The following RNGTT variants were observed in gnomAD, a reference collection of about 807,000 sequenced individuals.
RNGTT encodes the protein mRNA-capping enzyme.
RNGTT carries 33 observed loss-of-function variants against 79.3 expected under a neutral mutation model. The observed-to-expected ratio is 0.42, with a 90% CI of 0.32 to 0.56. RNGTT has a LOEUF of 0.56. RNGTT is among the 20% of genes least tolerant of loss of function. The probability of loss-of-function intolerance (pLI) is 0.17; values close to 1 mark genes in which losing one functional copy is unlikely to be tolerated. For missense variants in RNGTT, 497 were observed against 739.1 expected, an observed-to-expected ratio of 0.67 and a Z score of 3.80; for synonymous variants, 222 against 235.9, an observed-to-expected ratio of 0.94 and a Z score of 0.54.
chr6:88,779,151 A>C (rs1778982209), intron 12 of RNGTT, among the ~76,000 whole-genome samples: 1 of 152,204 alleles, frequency 6.6e-6, no homozygotes, highest in Non-Finnish European at 1.5e-5. Context: ...GGGTCAAAAA[A>C]AGTAAGGGGA....
intron 4 of RNGTT, among the ~76,000 whole-genome samples, chr6:88,927,312 A>T (rs1784352924): frequency 3.3e-5 from 5 of 151,926 alleles, no homozygotes; most frequent in Admixed American, 3.3e-4. Context: ...AGATCACCCG[A>T]GGCCAGGAGT....
chr6:88,881,911 C>T (rs1782704865), intron 8 of RNGTT, among the ~76,000 whole-genome samples: 1 of 152,216 alleles, frequency 6.6e-6, no homozygotes, highest in South Asian at 2.1e-4. Context: ...ACACTTTTCA[C>T]TCCTTAGCTT....
intron 13 of RNGTT, among the ~76,000 whole-genome samples, chr6:88,766,214 C>G (rs1778455262): frequency 6.6e-6 from 1 of 152,092 alleles, no homozygotes; most frequent in Non-Finnish European, 1.5e-5. Flanking sequence ...ATCACACAGA[C>G]AGTAAGGAGA....
chr6:88,932,537 T>C (rs1784543703), intron 2 of RNGTT, among the ~76,000 whole-genome samples: 1 of 152,178 alleles, frequency 6.6e-6, no homozygotes, highest in Admixed American at 6.5e-5. Flanking sequence ...CGGAACCTGC[T>C]GACATGTGTC....
At chr6:88,883,625 T>C (rs1257651897) in intron 8 of RNGTT, among the ~76,000 whole-genome samples, 1 of 152,146 alleles carries the variant, frequency 6.6e-6, no homozygotes, top group East Asian at 1.9e-4. Context: ...TTTAAATTTG[T>C]AGAAATGTTA....
chr6:88,856,156 T>C (rs1277433626), intron 8 of RNGTT, among the ~76,000 whole-genome samples: 2 of 152,200 alleles, frequency 1.3e-5, no homozygotes, highest in Non-Finnish European at 2.9e-5. Context: ...TCATCTTATT[T>C]AGTCCATTGT....
At chr6:88,640,312 G>A (rs1378083734) in intron 14 of RNGTT, among the ~76,000 whole-genome samples, 1 of 151,402 alleles carries the variant, frequency 6.6e-6, no homozygotes, top group Admixed American at 6.6e-5. Flanking sequence ...CACTTTGGGA[G>A]GCCAAGGTGG....
At chr6:88,771,315 G>GTGTGTGCA (rs1303688973) in intron 12 of RNGTT, among the ~76,000 whole-genome samples, 1 of 62,070 alleles carries the variant, frequency 1.6e-5, no homozygotes, top group Admixed American at 1.8e-4. Context: ...GTGTGTGTGT[G>GTGTGTGCA]TATATATATA....
At chr6:88,676,724 TAAGAA>T (rs1426168553) in intron 14 of RNGTT, among the ~76,000 whole-genome samples, 1 of 151,972 alleles carries the variant, frequency 6.6e-6, no homozygotes, top group Non-Finnish European at 1.5e-5. Flanking sequence ...CAAAACTCAG[TAAGAA>T]AACAAAAAAC....
intron 8 of RNGTT, among the ~76,000 whole-genome samples, chr6:88,879,170 G>A (rs1324532140): frequency 6.6e-6 from 1 of 152,178 alleles, no homozygotes; most frequent in Non-Finnish European, 1.5e-5. Flanking sequence ...GCTGAGGCGA[G>A]CAGATCACGA....
chr6:88,662,171 C>T (rs563766525), intron 14 of RNGTT, among the ~76,000 whole-genome samples: 1 of 152,304 alleles, frequency 6.6e-6, no homozygotes, highest in African/African-American at 2.4e-5. Flanking sequence ...AGGAAGTAGA[C>T]CACCTCTCCC....
At chr6:88,893,913 A>G (rs1054158859) in intron 6 of RNGTT, among the ~76,000 whole-genome samples, 1 of 152,186 alleles carries the variant, frequency 6.6e-6, no homozygotes, top group Non-Finnish European at 1.5e-5. Flanking sequence ...CTGACAAAAT[A>G]CCATTTTTAT....
chr6:88,613,555 A>G (rs1029522290), intron 15 of RNGTT, among the ~76,000 whole-genome samples: 37 of 152,306 alleles, frequency 2.4e-4, no homozygotes, highest in South Asian at 8.3e-4. Flanking sequence ...CAATTTCAAT[A>G]TTTTCTCATT....
At chr6:88,796,766 G>A (rs1779615536) in intron 12 of RNGTT, among the ~76,000 whole-genome samples, 1 of 152,160 alleles carries the variant, frequency 6.6e-6, no homozygotes, top group African/African-American at 2.4e-5. Context: ...GAAAGCCAGT[G>A]TCTTAGGAAG....
chr6:88,686,775 A>C (rs1775293698), intron 13 of RNGTT, among the ~76,000 whole-genome samples: 1 of 152,140 alleles, frequency 6.6e-6, no homozygotes, highest in South Asian at 2.1e-4. Context: ...CATTAAAATT[A>C]ATAATTTATG....
At chr6:88,688,584 G>C (rs1775361943) in intron 13 of RNGTT, among the ~76,000 whole-genome samples, 1 of 152,148 alleles carries the variant, frequency 6.6e-6, no homozygotes, top group Non-Finnish European at 1.5e-5. Flanking sequence ...TATGGTACTA[G>C]AAAGTAAGGA....
chr6:88,868,143 A>T (rs1782234527), intron 8 of RNGTT, among the ~76,000 whole-genome samples: 1 of 145,996 alleles, frequency 6.8e-6, no homozygotes. Flanking sequence ...TCTTTACCTG[A>T]TTTCCAAAAA....
intron 13 of RNGTT, among the ~76,000 whole-genome samples, chr6:88,725,275 G>T (rs115822957): frequency 0.02 from 3,100 of 152,278 alleles, 116 homozygotes; most frequent in African/African-American, 0.069. Context: ...CAGCAACGTG[G>T]AAAGAAACTG....
intron 11 of RNGTT, among the ~76,000 whole-genome samples, chr6:88,835,766 A>G (rs990188151): frequency 5.9e-5 from 9 of 152,050 alleles, no homozygotes; most frequent in African/African-American, 1.9e-4. Context: ...AAAAACATTA[A>G]ACTTCAGAGC....
Sources: allele counts gnomAD v4.1 joint callset (sites outside exome capture counted in the v4.1 genomes callset), GRCh38; gene constraint gnomAD v4.1.1; transcripts MANE v1.5; gene names NCBI Gene and HGNC (gene_info 2026-07-23, HGNC 2026-07-21).